The following GPC5 variants were observed in gnomAD, a reference collection of about 807,000 sequenced individuals.
GPC5 encodes glypican 5.
Under a neutral mutation model 53.9 loss-of-function variants are expected in GPC5, and 47 were observed. The ratio of observed to expected loss-of-function variants is 0.87; its 90% CI spans 0.69 to 1.11. The LOEUF (loss-of-function observed/expected upper bound fraction) is 1.11, where lower values mean the gene tolerates loss of function less well. Among genes scored for constraint, GPC5 ranks in the 50% most tolerant of loss-of-function variants. The pLI is 0.00. For synonymous variants in GPC5, 286 were observed against 263.3 expected (o/e 1.09, Z -0.84); for missense variants, 748 against 713.1 (o/e 1.05, Z -0.56).
intron 5 of GPC5, among the ~76,000 whole-genome samples, chr13:91,848,467 G>A (rs2038876471): frequency 2.0e-5 from 3 of 152,170 alleles, no homozygotes; most frequent in Admixed American, 2.0e-4. Flanking sequence ...ACATACCTAT[G>A]GGAATATGAC....
intron 6 of GPC5, among the ~76,000 whole-genome samples, chr13:91,930,877 C>T (rs1362122340): frequency 2.6e-5 from 4 of 152,024 alleles, no homozygotes; most frequent in African/African-American, 7.2e-5. Context: ...AAAGCGTGAT[C>T]TAAGTGTTGA....
chr13:92,613,732 C>T lies in GPC5; in HGVS notation c.1562-252550C>T, dbSNP rs183124197. ...TAAAATCAGGGCATGGTGGTACATG[C>T]GTATAGAACCAGGTACTCAGAAGGC... On this transcript the variant is annotated intron_variant, in intron 7 of 7. Coordinates refer to ENST00000377067, the MANE Select transcript of GPC5 (RefSeq NM_004466.6). Among the ~76,000 whole-genome samples, 338 of 141,416 alleles carry T rather than the reference C, an allele frequency of 2.4e-3. 3 individuals are homozygous for T. The highest frequency in any genetic ancestry group is 8.3e-3 in the African/African-American group (314 of 38,030). 92.8% of individuals were successfully genotyped at this position (141,416 alleles called of 152,430 possible).
chr13:91,740,184 CT>C, intron 4 of GPC5, among the ~76,000 whole-genome samples: 1 of 152,140 alleles, frequency 6.6e-6, no homozygotes, highest in Admixed American at 6.5e-5. Flanking sequence ...GGCACTGCTT[CT>C]AGGGAATCTG....
At chr13:92,610,878 A>G (rs1215714190) in intron 7 of GPC5, among the ~76,000 whole-genome samples, 1 of 151,852 alleles carries the variant, frequency 6.6e-6, no homozygotes, top group Non-Finnish European at 1.5e-5. Context: ...GGTCTCTCCC[A>G]TTGACACATG....
chr13:91,667,297 C>A (rs2035137802), intron 2 of GPC5, among the ~76,000 whole-genome samples: 1 of 152,140 alleles, frequency 6.6e-6, no homozygotes, highest in Non-Finnish European at 1.5e-5. Flanking sequence ...TGGCTAGATA[C>A]ATATGTATGT....
intron 6 of GPC5, among the ~76,000 whole-genome samples, chr13:92,002,272 CA>C (rs1281788724): frequency 6.6e-6 from 1 of 152,164 alleles, no homozygotes; most frequent in Non-Finnish European, 1.5e-5. Flanking sequence ...AATTGTATTA[CA>C]AAAAGCGTAT....
At chr13:91,875,912 A>G (rs1412345591) in intron 5 of GPC5, among the ~76,000 whole-genome samples, 1 of 152,194 alleles carries the variant, frequency 6.6e-6, no homozygotes, top group African/African-American at 2.4e-5. Context: ...CCAAGTCTCA[A>G]CTTGAATTGT....
intron 6 of GPC5, among the ~76,000 whole-genome samples, chr13:91,959,902 T>C (rs1407997552): frequency 6.6e-6 from 1 of 151,954 alleles, no homozygotes; most frequent in Non-Finnish European, 1.5e-5. Flanking sequence ...CTCTTTATGA[T>C]AAAAACTTTA....
intron 7 of GPC5, among the ~76,000 whole-genome samples, chr13:92,190,156 G>T (rs1260499966): frequency 6.6e-6 from 1 of 152,054 alleles, no homozygotes; most frequent in African/African-American, 2.4e-5. Flanking sequence ...AACCATGCTA[G>T]CAAGAAGAAA....
intron 6 of GPC5, among the ~76,000 whole-genome samples, chr13:92,079,401 TC>T (rs1188009835): frequency 6.6e-6 from 1 of 152,220 alleles, no homozygotes; most frequent in Non-Finnish European, 1.5e-5. Flanking sequence ...CCTAGTGCTC[TC>T]CCTTCTAAAA....
At chr13:91,929,535 C>G (rs1411679662) in intron 6 of GPC5, among the ~76,000 whole-genome samples, 1 of 152,052 alleles carries the variant, frequency 6.6e-6, no homozygotes, top group Non-Finnish European at 1.5e-5. Flanking sequence ...TGTTTCATTG[C>G]CATGTAAGCA....
chr13:92,615,794 T>C (rs1341929418), intron 7 of GPC5, among the ~76,000 whole-genome samples: 1 of 151,836 alleles, frequency 6.6e-6, no homozygotes, highest in Non-Finnish European at 1.5e-5. Context: ...GTGGCTCAAG[T>C]CTGTAATCCC....
intron 6 of GPC5, among the ~76,000 whole-genome samples, chr13:92,085,921 C>T (rs367794278): frequency 6.6e-6 from 1 of 152,154 alleles, no homozygotes; most frequent in African/African-American, 2.4e-5. Context: ...CTCACTCAGC[C>T]GCCACTCACC....
At chr13:91,882,374 A>AGTGTTAG (rs2138951851) in intron 5 of GPC5, among the ~76,000 whole-genome samples, 1 of 152,202 alleles carries the variant, frequency 6.6e-6, no homozygotes, top group Non-Finnish European at 1.5e-5. Context: ...AATAAGCCAT[A>AGTGTTAG]ACAGAGAGAC....
chr13:92,178,844 C>CGGGCG (rs1488349151), intron 7 of GPC5, among the ~76,000 whole-genome samples: 1 of 151,842 alleles, frequency 6.6e-6, no homozygotes, highest in Admixed American at 6.6e-5. Flanking sequence ...GGTGTGGTGG[C>CGGGCG]CCTGTAGTCC....
At chr13:92,678,796 C>A (rs528625118) in intron 7 of GPC5, among the ~76,000 whole-genome samples, 49 of 152,120 alleles carry the variant, frequency 3.2e-4, no homozygotes, top group Admixed American at 3.2e-3. Flanking sequence ...AAGAGTAGAT[C>A]CAGGTAGTGA....
intron 7 of GPC5, among the ~76,000 whole-genome samples, chr13:92,852,504 G>T (rs776219054): frequency 3.3e-5 from 5 of 152,174 alleles, no homozygotes; most frequent in Non-Finnish European, 7.3e-5. Flanking sequence ...GAAACATCCT[G>T]CAACTCATTT....
intron 7 of GPC5, among the ~76,000 whole-genome samples, chr13:92,781,999 G>T (rs1876041452): frequency 6.6e-6 from 1 of 151,768 alleles, no homozygotes. Flanking sequence ...TATTGTGAAT[G>T]GCATTCTGGC....
At chr13:92,231,931 A>AT (rs1161483729) in intron 7 of GPC5, among the ~76,000 whole-genome samples, 1 of 152,204 alleles carries the variant, frequency 6.6e-6, no homozygotes, top group Non-Finnish European at 1.5e-5. Flanking sequence ...GCGCCACTGC[A>AT]TTCCAGTCTG....
Sources: gnomAD v4.1 joint callset for allele counts (sites outside exome capture counted in the v4.1 genomes callset) on GRCh38, gnomAD v4.1.1 for gene constraint, MANE v1.5 for transcripts, NCBI Gene and HGNC (gene_info 2026-07-23, HGNC 2026-07-21) for gene names.